ACTA2: variants seen among roughly 807,000 people sequenced by gnomAD.
ACTA2 encodes the protein actin, aortic smooth muscle.
A neutral mutation model predicts 39.5 loss-of-function variants in ACTA2; 12 were observed. The observed-to-expected ratio is 0.30, with a 90% CI of 0.19 to 0.49. The LOEUF (loss-of-function observed/expected upper bound fraction) is 0.49, where lower values mean the gene tolerates loss of function less well. ACTA2 is among the 20% of genes least tolerant of loss of function. ACTA2 has a pLI of 0.99. For synonymous variants in ACTA2, 158 were observed against 180.6 expected, an observed-to-expected ratio of 0.88 and a Z score of 1.00; for missense variants, 236 against 498.8, an observed-to-expected ratio of 0.47 and a Z score of 5.02.
chr10:88,984,070 T>A (rs1846799287), intron 1 of ACTA2, among the ~76,000 whole-genome samples: 1 of 152,084 alleles, frequency 6.6e-6, no homozygotes, highest in South Asian at 2.1e-4. Flanking sequence ...GAGGGGAGGG[T>A]TACTATCATT....
intron 1 of ACTA2, among the ~76,000 whole-genome samples, chr10:88,979,685 T>C (rs1045250176): frequency 1.3e-5 from 2 of 152,110 alleles, no homozygotes; most frequent in African/African-American, 4.8e-5. Flanking sequence ...GTTTTGATCC[T>C]CCTATCAAAA....
At chr10:88,972,804 T>C (rs1589417640) in intron 1 of ACTA2, among the ~76,000 whole-genome samples, 2 of 152,340 alleles carry the variant, frequency 1.3e-5, no homozygotes, top group South Asian at 2.1e-4. Flanking sequence ...TAGTTAACTA[T>C]ATGTGCTATC....
At chr10:88,979,003 T>A (rs1846642890) in intron 1 of ACTA2, among the ~76,000 whole-genome samples, 1 of 151,942 alleles carries the variant, frequency 6.6e-6, no homozygotes, top group South Asian at 2.1e-4. Flanking sequence ...ATCCTCCTAA[T>A]AAGCATATAA....
chr10:88,936,611 C>T (rs1227826435), intron 8 of ACTA2, among the ~76,000 whole-genome samples: 1 of 142,458 alleles, frequency 7.0e-6, no homozygotes, highest in Admixed American at 7.2e-5. Context: ...TGTGAGGTGT[C>T]TGCCCCTGCT....
In ACTA2 at chr10:88,950,641, T is replaced by G. The variant is rs116009258; in HGVS notation, c.-23-1688A>C. Among the ~76,000 whole-genome samples the G allele has an allele frequency of 7.3e-3, 1,116 of 152,294 alleles. 20 individuals carry two copies. The highest frequency in any genetic ancestry group is 0.025 in the African/African-American group (1,040 of 41,554). The stretch of plus-strand genomic sequence containing the variant: ...GTCCAAGAGCCTTGAACTGATACAT[T>G]TAGGACAACGAAGATTTCAGATCAC... On this transcript the variant is annotated intron_variant, in intron 1 of 8. Coordinates refer to ENST00000224784, the MANE Select transcript of ACTA2 (RefSeq NM_001613.4).
At chr10:88,950,934 A>T (rs1350480969) in intron 1 of ACTA2, among the ~76,000 whole-genome samples, 1 of 152,184 alleles carries the variant, frequency 6.6e-6, no homozygotes, top group Non-Finnish European at 1.5e-5. Context: ...TCACTGTGTG[A>T]TTATTTTCAT....
intron 2 of ACTA2, 36 bp from the exon 3 acceptor site, chr10:88,947,422 C>T: frequency 6.2e-7 from 1 of 1,612,808 alleles, no homozygotes; most frequent in East Asian, 2.2e-5. Context: ...TCAGCATCTC[C>T]CAAAACTTGT....
chr10:88,969,163 A>G (rs930873112), intron 1 of ACTA2, among the ~76,000 whole-genome samples: 11 of 152,218 alleles, frequency 7.2e-5, no homozygotes, highest in East Asian at 5.8e-4. Flanking sequence ...GGCAAGAAGT[A>G]TAATCTTAAG....
chr10:88,938,741 TG>T (rs1845793515), intron 7 of ACTA2, among the ~76,000 whole-genome samples: 1 of 17,092 alleles, frequency 5.9e-5, no homozygotes, highest in African/African-American at 2.6e-4. Flanking sequence ...TTTTTTTGGG[TG>T]GGGGTGGGGG....
intron 1 of ACTA2, chr10:88,973,490 A>C: frequency 9.2e-5 from 68 of 740,762 alleles, no homozygotes; most frequent in Non-Finnish European, 1.0e-4. Flanking sequence ...TCAGTTTCTC[A>C]AGTACTCATG....
At chr10:88,941,208 C>G (rs758287882) in intron 6 of ACTA2, 21 bp downstream of exon 6, 5 of 1,613,572 alleles carry the variant, frequency 3.1e-6, no homozygotes, top group Non-Finnish European at 4.2e-6. Flanking sequence ...CCCTCTCCCC[C>G]TTATCTCCCA....
chr10:88,965,477 T>G (rs1341585687), intron 1 of ACTA2, among the ~76,000 whole-genome samples: 1 of 152,178 alleles, frequency 6.6e-6, no homozygotes, highest in East Asian at 1.9e-4. Context: ...TTAGCACATT[T>G]CAGGATTATT....
intron 8 of ACTA2, among the ~76,000 whole-genome samples, chr10:88,936,517 C>T (rs978936352): frequency 2.6e-5 from 4 of 152,106 alleles, no homozygotes; most frequent in South Asian, 4.2e-4. Flanking sequence ...GCTCTTCTTC[C>T]GAGTTCACAT....
chr10:88,984,921 T>G (rs1262352799), intron 1 of ACTA2, among the ~76,000 whole-genome samples: 1 of 152,174 alleles, frequency 6.6e-6, no homozygotes, highest in Non-Finnish European at 1.5e-5. Flanking sequence ...GAAGCCAAGA[T>G]GTTAGGCTGC....
intron 2 of ACTA2, chr10:88,948,571 A>C (rs1046643585): frequency 1.9e-5 from 10 of 513,692 alleles, no homozygotes; most frequent in Non-Finnish European, 3.5e-5. Context: ...ATATTTAGAC[A>C]AAAAGGACAT....
At chr10:88,984,043 C>T (rs557919099) in intron 1 of ACTA2, among the ~76,000 whole-genome samples, 4 of 152,138 alleles carry the variant, frequency 2.6e-5, no homozygotes, top group African/African-American at 4.8e-5. Flanking sequence ...GGTAAAATGC[C>T]TCTTCCTACC....
chr10:88,991,208 T>G, exon 1 of ACTA2: 1 of 550,692 alleles, frequency 1.8e-6, no homozygotes, highest in African/African-American at 1.9e-5. Flanking sequence ...GCGCTCCACG[T>G]TGAGGTGGGC....
Position 88,941,713 on chromosome 10 carries a change from G to T in ACTA2, c.454+72C>A, listed in dbSNP as rs776477704. On this transcript the variant is annotated intron_variant, in intron 5 of 8. Transcript: ENST00000224784. Reference sequence around the variant, plus strand: ...CTCAACTCCAGTCCGTCACCCCCACGTGTTAACGACCATTCAATCCCATCT... The same window carrying T: ...CTCAACTCCAGTCCGTCACCCCCACTTGTTAACGACCATTCAATCCCATCT... 6 of 1,356,688 alleles carry T rather than the reference G, an allele frequency of 4.4e-6. No homozygotes were observed. The Admixed American group carries it at 1.1e-4, about 26-fold the overall frequency. 84.0% of individuals were successfully genotyped at this position (1,356,688 alleles called of 1,614,324 possible).
rs1846055277 is a variant in ACTA2 at position 88,951,818 on chromosome 10, A to C, written c.-24+913T>G. 1.3e-5 allele frequency among the ~76,000 whole-genome samples: 2 copies of C among 152,180 alleles called. 1 individual carries two copies. Among genetic ancestry groups the C allele is most frequent in the Admixed American group, 1.3e-4 (2 of 15,280 alleles). ...CCAGCTCATTGGTCTTGAAACACAA[A>C]CCATATTTAGTCATGAAACACAAAA... On this transcript the variant is annotated intron_variant, in intron 1 of 8. Transcript: ENST00000224784.
Sources: allele counts gnomAD v4.1 joint callset (sites outside exome capture counted in the v4.1 genomes callset), GRCh38; gene constraint gnomAD v4.1.1; transcripts MANE v1.5; gene names NCBI Gene and HGNC (gene_info 2026-07-23, HGNC 2026-07-21).